Variants in CALN1 observed in about 807,000 individuals in gnomAD.
CALN1 encodes the protein calneuron 1, also known as calcium-binding protein 8.
In CALN1, 17 loss-of-function variants were observed where a neutral mutation model predicts 30.6. The ratio of observed to expected loss-of-function variants is 0.56; its 90% CI spans 0.38 to 0.83. The LOEUF is 0.83. Ranked by LOEUF, CALN1 falls within the 40% of genes least tolerant of loss-of-function variation. The pLI is 0.00. For missense variants in CALN1, 291 were observed against 354.9 expected (o/e 0.82, Z 1.45); for synonymous variants, 156 against 131.4 (o/e 1.19, Z -1.28).
chr7:72,260,420 A>G (rs1184483910), intron 3 of CALN1, among the ~76,000 whole-genome samples: 1 of 152,180 alleles, frequency 6.6e-6, no homozygotes, highest in Non-Finnish European at 1.5e-5. Context: ...GTTAAGCTCC[A>G]CGGGTGCACA....
chr7:71,877,195 C>G (rs1792298746), intron 5 of CALN1, among the ~76,000 whole-genome samples: 1 of 152,068 alleles, frequency 6.6e-6, no homozygotes, highest in South Asian at 2.1e-4. Flanking sequence ...TTAATTATAA[C>G]AGGGCTAGAA....
the CALN1 span, among the ~76,000 whole-genome samples, chr7:72,466,876 A>AAGAC: frequency 6.6e-6 from 1 of 151,128 alleles, no homozygotes; most frequent in Admixed American, 6.6e-5. Context: ...AAAAGAAAGA[A>AAGAC]GGAAAGAAAG....
chr7:72,067,393 T>C (rs1804095941), intron 4 of CALN1, among the ~76,000 whole-genome samples: 1 of 151,816 alleles, frequency 6.6e-6, no homozygotes, highest in Admixed American at 6.6e-5. Flanking sequence ...AGATGCTATA[T>C]TACCATGCCC....
intron 2 of CALN1, among the ~76,000 whole-genome samples, chr7:72,395,089 A>G (rs1805831839): frequency 6.6e-6 from 1 of 152,172 alleles, no homozygotes; most frequent in Non-Finnish European, 1.5e-5. Context: ...ACTCTATGGT[A>G]AGTACTAACC....
chr7:72,482,681 A>G, the CALN1 span, among the ~76,000 whole-genome samples: 1 of 152,234 alleles, frequency 6.6e-6, no homozygotes, highest in South Asian at 2.1e-4. Context: ...ACTTTTCCAT[A>G]TGTTATAAAT....
chr7:72,385,921 G>A (rs1416789613), intron 2 of CALN1, among the ~76,000 whole-genome samples: 2 of 152,072 alleles, frequency 1.3e-5, no homozygotes, highest in African/African-American at 4.8e-5. Flanking sequence ...CCCAGTCTTG[G>A]GTAGTTCTTT....
intron 6 of CALN1, among the ~76,000 whole-genome samples, chr7:71,798,119 GAGAC>G (rs56661389): frequency 0.023 from 1,741 of 76,080 alleles, 18 homozygotes; most frequent in East Asian, 0.052. Context: ...GACAGAGACA[GAGAC>G]AGAGAGAGAG....
At chr7:72,408,124 C>A (rs1806831279) in intron 1 of CALN1, among the ~76,000 whole-genome samples, 1 of 151,960 alleles carries the variant, frequency 6.6e-6, no homozygotes, top group South Asian at 2.1e-4. Flanking sequence ...CCCTTTGGTT[C>A]CATATTGACG....
intron 3 of CALN1, among the ~76,000 whole-genome samples, chr7:72,226,020 C>T (rs185856620): frequency 2.7e-5 from 4 of 148,154 alleles, no homozygotes; most frequent in Admixed American, 6.9e-5. Context: ...CACTTGAACC[C>T]GGGAGGCAGG....
intron 6 of CALN1, among the ~76,000 whole-genome samples, chr7:71,791,271 A>G (rs1469695987): frequency 6.6e-6 from 1 of 152,144 alleles, no homozygotes; most frequent in African/African-American, 2.4e-5. Context: ...GATTCCATGC[A>G]TGTGTCTTTA....
intron 2 of CALN1, among the ~76,000 whole-genome samples, chr7:72,324,878 T>A (rs973702159): frequency 1.3e-5 from 2 of 152,030 alleles, no homozygotes; most frequent in Non-Finnish European, 2.9e-5. Flanking sequence ...GCCACTGCTC[T>A]CAGTCTCAAA....
chr7:72,455,122 C>T, the CALN1 span, among the ~76,000 whole-genome samples: 6 of 151,876 alleles, frequency 4.0e-5, no homozygotes, highest in Non-Finnish European at 8.8e-5. Flanking sequence ...TGAGCCACCG[C>T]GCCCGGCCTC....
chr7:72,272,115 CT>C (rs1797037424), intron 3 of CALN1, among the ~76,000 whole-genome samples: 1 of 149,366 alleles, frequency 6.7e-6, no homozygotes, highest in Non-Finnish European at 1.5e-5. Flanking sequence ...CTAGAGAAAA[CT>C]GAGCTGCAGG....
At chr7:71,971,584 ATTAT>A (rs1381780713) in intron 5 of CALN1, among the ~76,000 whole-genome samples, 1 of 152,126 alleles carries the variant, frequency 6.6e-6, no homozygotes, top group Non-Finnish European at 1.5e-5. Flanking sequence ...AGGTCATATT[ATTAT>A]TCTCATTACA....
intron 3 of CALN1, among the ~76,000 whole-genome samples, chr7:72,176,203 CT>C (rs1789340672): frequency 6.6e-6 from 1 of 152,074 alleles, no homozygotes; most frequent in East Asian, 1.9e-4. Context: ...GACTGTTAAG[CT>C]ACTTTTCGTG....
chr7:71,841,297 A>T (rs1049865011), intron 5 of CALN1, among the ~76,000 whole-genome samples: 2 of 152,190 alleles, frequency 1.3e-5, no homozygotes, highest in African/African-American at 4.8e-5. Flanking sequence ...TGGGACTGTA[A>T]GACCCTCAGC....
intron 2 of CALN1, among the ~76,000 whole-genome samples, chr7:72,369,121 C>G (rs924639070): frequency 6.6e-6 from 1 of 151,348 alleles, no homozygotes; most frequent in African/African-American, 2.4e-5. Flanking sequence ...AGCCTGAAAA[C>G]TCATTTTAAA....
the CALN1 span, among the ~76,000 whole-genome samples, chr7:72,466,374 A>G: frequency 5.9e-5 from 9 of 152,130 alleles, no homozygotes; most frequent in Non-Finnish European, 1.3e-4. Context: ...ACCCCTGGAG[A>G]AAGACCCCCA....
At chr7:72,330,806 C>A (rs143792741) in intron 2 of CALN1, among the ~76,000 whole-genome samples, 317 of 152,310 alleles carry the variant, frequency 2.1e-3, no homozygotes, top group Non-Finnish European at 3.5e-3. Context: ...TCACCCTCTC[C>A]AATAGCCTGG....
Sources: gnomAD v4.1 joint callset for allele counts (sites outside exome capture counted in the v4.1 genomes callset) on GRCh38, gnomAD v4.1.1 for gene constraint, MANE v1.5 for transcripts, NCBI Gene and HGNC (gene_info 2026-07-23, HGNC 2026-07-21) for gene names.